Variants in FSD1L observed in about 807,000 individuals in gnomAD.
FSD1L encodes FSD1-like protein.
In FSD1L, 45 loss-of-function variants were observed where a neutral mutation model predicts 71.6. The observed-to-expected ratio is 0.63, with a 90% CI of 0.49 to 0.81. The LOEUF is 0.81. Among genes scored for constraint, FSD1L ranks in the 30% least tolerant of loss-of-function variants. The pLI, the probability that FSD1L is intolerant of heterozygous loss-of-function variation, is 0.00. For missense variants in FSD1L, 561 were observed against 618.1 expected, an observed-to-expected ratio of 0.91 and a Z score of 0.98; for synonymous variants, 197 against 207.2, an observed-to-expected ratio of 0.95 and a Z score of 0.42.
intron 2 of FSD1L, among the ~76,000 whole-genome samples, chr9:105,462,131 A>G (rs1037548393): frequency 1.3e-5 from 2 of 151,362 alleles, no homozygotes; most frequent in Non-Finnish European, 2.9e-5. Flanking sequence ...TGCTAAGGAG[A>G]TTTTATTTTT....
chr9:105,516,961 C>T (rs1056298180), intron 10 of FSD1L, among the ~76,000 whole-genome samples: 1 of 152,078 alleles, frequency 6.6e-6, no homozygotes, highest in Non-Finnish European at 1.5e-5. Flanking sequence ...CTAGAATAAC[C>T]AGTTTAGAGA....
At chr9:105,522,618 G>A (rs973909706) in intron 10 of FSD1L, 18 of 1,612,906 alleles carry the variant, frequency 1.1e-5, no homozygotes, top group South Asian at 9.9e-5. Flanking sequence ...TTTGAATGAG[G>A]AGCAGCCATT....
intron 10 of FSD1L, among the ~76,000 whole-genome samples, chr9:105,513,283 T>C (rs1047505227): frequency 6.6e-6 from 1 of 152,200 alleles, no homozygotes; most frequent in Non-Finnish European, 1.5e-5. Context: ...AGGTCTGGTC[T>C]GCACTAAATG....
At position 105,506,493 on chromosome 9, in the gene FSD1L, T is replaced by A; in HGVS notation, c.681T>A (p.Ile227=). The change falls in exon 8 of 14, where the codon ATT becomes ATA. Residue 227 remains isoleucine, a synonymous_variant. Coordinates refer to ENST00000481272, the MANE Select transcript of FSD1L (RefSeq NM_001145313.3). ...GAATGCCAGAAGAAGATAATAAGAT[T>A]GACCATTTTATACTGGAACATAGGA... The part of the protein sequence containing the change: ...AWRMPEEDNK[I]DHFILEHRKT... 1 of 1,551,398 alleles carries A rather than the reference T, an allele frequency of 6.4e-7. No individual in the cohort carries two copies. The highest frequency in any genetic ancestry group is 8.7e-7 in the Non-Finnish European group (1 of 1,146,672).
intron 7 of FSD1L, among the ~76,000 whole-genome samples, chr9:105,501,597 T>G: frequency 3.2e-5 from 1 of 31,674 alleles, no homozygotes; most frequent in East Asian, 3.5e-4. Context: ...TAATTTTTAA[T>G]TTTTTTTTTT....
chr9:105,478,374 A>G (rs1485477221), intron 5 of FSD1L, among the ~76,000 whole-genome samples: 1 of 152,216 alleles, frequency 6.6e-6, no homozygotes, highest in Non-Finnish European at 1.5e-5. Context: ...GAGGCCACAG[A>G]AGCATTGCTA....
upstream of FSD1L, among the ~76,000 whole-genome samples, chr9:105,443,252 C>A (rs1473632057): frequency 1.3e-5 from 2 of 152,238 alleles, no homozygotes; most frequent in Non-Finnish European, 2.9e-5. Flanking sequence ...ACTCACAGTT[C>A]CATGTGGCTG....
At chr9:105,533,416 C>CTTTTT (rs754896606) in intron 10 of FSD1L, among the ~76,000 whole-genome samples, 702 of 29,008 alleles carry the variant, frequency 0.024, 238 homozygotes, top group African/African-American at 0.063. Context: ...CCATTTCCAT[C>CTTTTT]TTTTTTTTTT....
At chr9:105,485,330 A>G (rs529722798) in intron 7 of FSD1L, among the ~76,000 whole-genome samples, 3 of 152,086 alleles carry the variant, frequency 2.0e-5, no homozygotes, top group Non-Finnish European at 4.4e-5. Context: ...AAAAAGGCAA[A>G]ACAAGAGAGT....
chr9:105,480,464 G>A (rs904849026), intron 6 of FSD1L, among the ~76,000 whole-genome samples: 1 of 151,958 alleles, frequency 6.6e-6, no homozygotes, highest in Non-Finnish European at 1.5e-5. Flanking sequence ...GCTAATTTTT[G>A]TATTTTTTGT....
At chr9:105,521,335 C>T in intron 10 of FSD1L, 2 of 1,614,190 alleles carry the variant, frequency 1.2e-6, no homozygotes, top group South Asian at 1.1e-5. Context: ...GACAGAACTA[C>T]AGAACCCGAA....
At chr9:105,533,122 G>A (rs1836002897) in intron 10 of FSD1L, among the ~76,000 whole-genome samples, 1 of 152,076 alleles carries the variant, frequency 6.6e-6, no homozygotes, top group South Asian at 2.1e-4. Context: ...AACTAGTGGT[G>A]AGAATATAGT....
At chr9:105,524,224 C>A in intron 10 of FSD1L, 1 of 1,612,234 alleles carries the variant, frequency 6.2e-7, no homozygotes, top group Non-Finnish European at 8.5e-7. Flanking sequence ...ATTTGTGTTT[C>A]CTTAAAGTTT....
At position 105,551,618 on chromosome 9, in the gene FSD1L, T is replaced by A. The variant is rs1837265998; in HGVS notation, c.*5135T>A. The A allele has an allele frequency of 6.6e-6, 1 of 152,326 alleles. No homozygotes were observed. The highest frequency in any genetic ancestry group is 6.5e-5 in the Admixed American group (1 of 15,302). 9.4% of individuals were successfully genotyped at this position (152,326 alleles called of 1,614,324 possible). A position where few individuals can be genotyped will look rare whatever the true frequency, so the allele number is the denominator to read the frequency against. ...GCTTAAAGTGGTATCACCAGTGATT[T>A]CTAACATGATTTTAAAAAAATAAAA... On this transcript the variant is annotated 3_prime_UTR_variant, in exon 14 of 14. Coordinates refer to ENST00000481272, the MANE Select transcript of FSD1L (RefSeq NM_001145313.3).
At chr9:105,445,306 G>A (rs1321585710), upstream of FSD1L, among the ~76,000 whole-genome samples, 2 of 152,144 alleles carry the variant, frequency 1.3e-5, no homozygotes, top group Non-Finnish European at 2.9e-5. Flanking sequence ...ATCAGGTGAG[G>A]GCAGAAGCCA....
intron 12 of FSD1L, among the ~76,000 whole-genome samples, chr9:105,537,599 T>C (rs1392113199): frequency 6.6e-6 from 1 of 152,144 alleles, no homozygotes; most frequent in Non-Finnish European, 1.5e-5. Flanking sequence ...CTGAGAGCCT[T>C]GAAAAATAAT....
chr9:105,476,454 T>C (rs1381430272), intron 5 of FSD1L, among the ~76,000 whole-genome samples: 2 of 152,252 alleles, frequency 1.3e-5, no homozygotes, highest in Non-Finnish European at 2.9e-5. Flanking sequence ...TAGTACCAGC[T>C]GATTCCAAGA....
At chr9:105,460,231 G>A (rs1312143630) in intron 1 of FSD1L, among the ~76,000 whole-genome samples, 1 of 152,156 alleles carries the variant, frequency 6.6e-6, no homozygotes, top group African/African-American at 2.4e-5. Flanking sequence ...GGCCAATACA[G>A]TTGAAAAGGG....
chr9:105,448,336 C>T (rs1010015926), intron 1 of FSD1L, 101 bp downstream of exon 1: 3 of 1,140,682 alleles, frequency 2.6e-6, no homozygotes, highest in Non-Finnish European at 3.5e-6. Flanking sequence ...CGGGGTGGGC[C>T]TGGCCGGGCG....
Sources: allele counts gnomAD v4.1 joint callset (sites outside exome capture counted in the v4.1 genomes callset), GRCh38; gene constraint gnomAD v4.1.1; transcripts MANE v1.5; gene names NCBI Gene and HGNC (gene_info 2026-07-23, HGNC 2026-07-21).